SEZ6L: variants seen among roughly 807,000 people sequenced by gnomAD.
SEZ6L encodes seizure 6-like protein.
SEZ6L carries 37 observed loss-of-function variants against 106.2 expected under a neutral mutation model. The observed-to-expected ratio is 0.35, with a 90% CI of 0.27 to 0.46. The LOEUF (loss-of-function observed/expected upper bound fraction) is 0.46, where lower values mean the gene tolerates loss of function less well. Ranked by LOEUF, SEZ6L falls within the 20% of genes least tolerant of loss-of-function variation. The pLI is 1.00. For synonymous variants in SEZ6L, 541 were observed against 570.4 expected (o/e 0.95, Z 0.73); for missense variants, 1,172 against 1,332.8 (o/e 0.88, Z 1.88).
chr22:26,180,991 A>G (rs989672846), intron 1 of SEZ6L, among the ~76,000 whole-genome samples: 3 of 152,212 alleles, frequency 2.0e-5, no homozygotes, highest in African/African-American at 7.2e-5. Context: ...CCACTCTGCC[A>G]ATTCTGTGTT....
intron 1 of SEZ6L, among the ~76,000 whole-genome samples, chr22:26,221,751 C>T (rs1257439746): frequency 6.9e-6 from 1 of 145,228 alleles, no homozygotes; most frequent in Non-Finnish European, 1.5e-5. Flanking sequence ...CACACACACA[C>T]ACACACACAC....
intron 1 of SEZ6L, among the ~76,000 whole-genome samples, chr22:26,193,315 G>A (rs142531433): frequency 6.6e-6 from 1 of 152,240 alleles, no homozygotes; most frequent in Non-Finnish European, 1.5e-5. Flanking sequence ...ATATGAACTG[G>A]AGCCCTTGGT....
chr22:26,254,372 C>T (rs148145021), intron 1 of SEZ6L, among the ~76,000 whole-genome samples: 12 of 150,820 alleles, frequency 8.0e-5, no homozygotes, highest in South Asian at 2.1e-4. Context: ...AGGAAAGGGA[C>T]GGAAGAGGGA....
chr22:26,195,809 T>G (rs2145666982), intron 1 of SEZ6L, among the ~76,000 whole-genome samples: 1 of 151,500 alleles, frequency 6.6e-6, no homozygotes, highest in Non-Finnish European at 1.5e-5. Flanking sequence ...ATATAGTTTG[T>G]GTGTGTGTGT....
At chr22:26,190,014 C>T (rs1018607481) in intron 1 of SEZ6L, among the ~76,000 whole-genome samples, 1 of 151,572 alleles carries the variant, frequency 6.6e-6, no homozygotes, top group East Asian at 1.9e-4. Flanking sequence ...GGAGAATGGC[C>T]TGAACCCGGG....
intron 9 of SEZ6L, among the ~76,000 whole-genome samples, chr22:26,320,626 C>G (rs954315866): frequency 6.6e-6 from 1 of 152,178 alleles, no homozygotes. Flanking sequence ...GCCCCGCCCC[C>G]GGGGAGCCAT....
At chr22:26,300,011 T>C (rs766983943) in intron 5 of SEZ6L, among the ~76,000 whole-genome samples, 1 of 152,246 alleles carries the variant, frequency 6.6e-6, no homozygotes, top group African/African-American at 2.4e-5. Flanking sequence ...GTTGTTTTTA[T>C]TGTAGCCATC....
intron 1 of SEZ6L, among the ~76,000 whole-genome samples, chr22:26,283,547 A>G (rs1185173331): frequency 6.6e-6 from 1 of 152,206 alleles, no homozygotes; most frequent in Non-Finnish European, 1.5e-5. Flanking sequence ...AATTCTATAA[A>G]GTGTTGATCA....
intron 12 of SEZ6L, among the ~76,000 whole-genome samples, chr22:26,361,670 A>T (rs2083640862): frequency 6.6e-6 from 1 of 152,174 alleles, no homozygotes; most frequent in African/African-American, 2.4e-5. Flanking sequence ...TTTTATTCTC[A>T]TAACAACACC....
intron 9 of SEZ6L, among the ~76,000 whole-genome samples, chr22:26,322,890 G>A (rs1303826632): frequency 6.6e-6 from 1 of 152,086 alleles, no homozygotes; most frequent in African/African-American, 2.4e-5. Context: ...AACCCTAAGG[G>A]CCTTTTCATA....
intron 1 of SEZ6L, among the ~76,000 whole-genome samples, chr22:26,263,360 A>G (rs1222951777): frequency 1.3e-5 from 2 of 152,246 alleles, no homozygotes; most frequent in Non-Finnish European, 2.9e-5. Context: ...TAATGGAGAT[A>G]TGCAAGTGCG....
At chr22:26,283,480 A>C (rs2080838772) in intron 1 of SEZ6L, among the ~76,000 whole-genome samples, 2 of 152,198 alleles carry the variant, frequency 1.3e-5, no homozygotes, top group South Asian at 4.1e-4. Context: ...AATGTAATGG[A>C]ATACTATACA....
chr22:26,321,852 A>G (rs768734467), intron 9 of SEZ6L, among the ~76,000 whole-genome samples: 6 of 152,124 alleles, frequency 3.9e-5, no homozygotes, highest in Non-Finnish European at 8.8e-5. Flanking sequence ...CTGCTGAGTC[A>G]TGAATGAGGA....
intron 12 of SEZ6L, among the ~76,000 whole-genome samples, chr22:26,364,077 C>A (rs2083725409): frequency 1.3e-5 from 2 of 152,102 alleles, no homozygotes; most frequent in South Asian, 4.1e-4. Flanking sequence ...AGTTGCCCAA[C>A]AATGTAAAAG....
intron 9 of SEZ6L, among the ~76,000 whole-genome samples, chr22:26,322,922 T>C (rs1192241597): frequency 6.6e-6 from 1 of 152,188 alleles, no homozygotes; most frequent in African/African-American, 2.4e-5. Flanking sequence ...TCACTCTCTC[T>C]CATTCATTCT....
intron 1 of SEZ6L, among the ~76,000 whole-genome samples, chr22:26,241,617 T>C (rs977383285): frequency 4.6e-5 from 7 of 152,204 alleles, no homozygotes; most frequent in African/African-American, 9.7e-5. Context: ...GAGGCAATCC[T>C]GCTTTTTAAA....
At chr22:26,247,259 G>C (rs536629778) in intron 1 of SEZ6L, among the ~76,000 whole-genome samples, 1 of 152,250 alleles carries the variant, frequency 6.6e-6, no homozygotes, top group South Asian at 2.1e-4. Flanking sequence ...CGGAATCTGG[G>C]TTCAACACTG....
intron 1 of SEZ6L, among the ~76,000 whole-genome samples, chr22:26,222,774 C>T (rs2078516019): frequency 6.6e-6 from 1 of 152,220 alleles, no homozygotes; most frequent in South Asian, 2.1e-4. Flanking sequence ...TGCTAGAACC[C>T]AGTAGGAAAT....
At chr22:26,202,544 G>A (rs1043341471) in intron 1 of SEZ6L, among the ~76,000 whole-genome samples, 1 of 152,218 alleles carries the variant, frequency 6.6e-6, no homozygotes, top group African/African-American at 2.4e-5. Flanking sequence ...CTCCCTTGAG[G>A]ACACTGTCAG....
Sources: gnomAD v4.1 joint callset for allele counts (sites outside exome capture counted in the v4.1 genomes callset) on GRCh38, gnomAD v4.1.1 for gene constraint, MANE v1.5 for transcripts, NCBI Gene and HGNC (gene_info 2026-07-23, HGNC 2026-07-21) for gene names.